The following SLC16A5 variants were observed in gnomAD, a reference collection of about 807,000 sequenced individuals.
The protein encoded by SLC16A5 is solute carrier family 16 member 5, also known as monocarboxylate transporter 6.
Under a neutral mutation model 33.2 loss-of-function variants are expected in SLC16A5, and 29 were observed. The ratio of observed to expected loss-of-function variants is 0.87; its 90% CI spans 0.65 to 1.19. The LOEUF is 1.19. Ranked by LOEUF, SLC16A5 falls within the 50% of genes most tolerant of loss-of-function variation. SLC16A5 has a pLI of 0.00. For missense variants in SLC16A5, 606 were observed against 678.2 expected (o/e 0.89, Z 1.18); for synonymous variants, 248 against 284.1 (o/e 0.87, Z 1.28).
downstream of SLC16A5, among the ~76,000 whole-genome samples, chr17:75,107,018 G>GA (rs776631773): frequency 1.7e-3 from 239 of 143,096 alleles, no homozygotes; most frequent in African/African-American, 5.0e-3. Context: ...TAAGGAAAGG[G>GA]AAAAAAAAAA....
At chr17:75,095,643 G>T (rs2073707542) in intron 3 of SLC16A5, among the ~76,000 whole-genome samples, 1 of 151,338 alleles carries the variant, frequency 6.6e-6, no homozygotes, top group Non-Finnish European at 1.5e-5. Flanking sequence ...GACCACAGGT[G>T]TGCACCACCA....
chr17:75,097,680 C>T (rs1216028284), intron 3 of SLC16A5, among the ~76,000 whole-genome samples: 6 of 152,156 alleles, frequency 3.9e-5, no homozygotes, highest in Non-Finnish European at 8.8e-5. Context: ...AACAGACCCC[C>T]AGCGAAGTGG....
chr17:75,093,834 A>C lies in SLC16A5; in HGVS notation c.198A>C (p.Ala66=). ...PSILTAVLHM[A]GPLCSILVGR... Reference sequence around the variant, plus strand: ...TCCTCACGGCTGTGCTCCACATGGCAGGTGAGCGGCCTAGGGAGGGGCCGA... The same window carrying C: ...TCCTCACGGCTGTGCTCCACATGGCCGGTGAGCGGCCTAGGGAGGGGCCGA... The change falls in exon 3 of 7, where the codon GCA becomes GCC. Residue 66 remains alanine, a splice_region_variant and synonymous_variant. Coordinates refer to ENST00000329783, the MANE Select transcript of SLC16A5 (RefSeq NM_004695.4). 6.2e-7 allele frequency: 1 copy of C among 1,613,770 alleles called. No homozygotes were observed. Among genetic ancestry groups the C allele is most frequent in the Non-Finnish European group, 8.5e-7 (1 of 1,179,740 alleles).
intron 4 of SLC16A5, among the ~76,000 whole-genome samples, chr17:75,098,775 GGA>G (rs1270892317): frequency 6.6e-6 from 1 of 152,152 alleles, no homozygotes; most frequent in Non-Finnish European, 1.5e-5. Flanking sequence ...GGATGATGCA[GGA>G]GAGAGGGGAC....
chr17:75,106,365 G>A (rs2073862871), downstream of SLC16A5, among the ~76,000 whole-genome samples: 1 of 152,078 alleles, frequency 6.6e-6, no homozygotes, highest in African/African-American at 2.4e-5. Flanking sequence ...GAAAAGGAGG[G>A]AGGTGGGGCT....
chr17:75,092,157 CTGTGTT>C (rs1568003760), intron 2 of SLC16A5, among the ~76,000 whole-genome samples: 1 of 151,754 alleles, frequency 6.6e-6, no homozygotes, highest in Non-Finnish European at 1.5e-5. Flanking sequence ...GTGTGTCTCT[CTGTGTT>C]TGTGTGTAAC....
intron 5 of SLC16A5, 51 bp downstream of exon 5, chr17:75,100,867 GT>G: frequency 6.8e-7 from 1 of 1,470,818 alleles, no homozygotes. Flanking sequence ...AAGGGGAACA[GT>G]TTAGACAGAT....
In SLC16A5 at chr17:75,088,003, C is replaced by G. The variant is rs1022351424; in HGVS notation, c.-244C>G. Reference sequence around the variant, plus strand: ...GGCCCGGGCCGCAGGACGCCGCGCTCGGGGGAGCTGAGCCACCTCTCCGCC... The same window carrying G: ...GGCCCGGGCCGCAGGACGCCGCGCTGGGGGGAGCTGAGCCACCTCTCCGCC... On this transcript the variant is annotated 5_prime_UTR_variant, in exon 1 of 7. Coordinates refer to ENST00000329783, the MANE Select transcript of SLC16A5 (RefSeq NM_004695.4). The G allele has an allele frequency of 6.6e-6, 1 of 152,270 alleles. No individual in the cohort carries two copies. The highest frequency in any genetic ancestry group is 1.5e-5 in the Non-Finnish European group (1 of 68,104). The allele number at this position is 152,270 out of a possible 1,614,324, so 9.4% of individuals were successfully genotyped here. A position where few individuals can be genotyped will look rare whatever the true frequency, so the allele number is the denominator to read the frequency against.
At chr17:75,090,811 T>C (rs1199793222) in intron 2 of SLC16A5, among the ~76,000 whole-genome samples, 3 of 152,076 alleles carry the variant, frequency 2.0e-5, no homozygotes, top group Non-Finnish European at 1.5e-5. Context: ...TGGGCTCGGA[T>C]TGGCCTGGGG....
chr17:75,092,657 G>T (rs2073655503), intron 2 of SLC16A5, among the ~76,000 whole-genome samples: 2 of 151,930 alleles, frequency 1.3e-5, no homozygotes, highest in South Asian at 4.2e-4. Context: ...TTGTGTGCCC[G>T]TGTGGTCTTT....
chr17:75,095,614 C>T (rs1027479254), intron 3 of SLC16A5, among the ~76,000 whole-genome samples: 1 of 152,122 alleles, frequency 6.6e-6, no homozygotes, highest in Non-Finnish European at 1.5e-5. Context: ...CCTGCCACCT[C>T]AGCCTCCCGA....
intron 6 of SLC16A5, chr17:75,105,205 A>T (rs903244561): frequency 1.0e-6 from 1 of 985,272 alleles, no homozygotes; most frequent in South Asian, 4.7e-5. Flanking sequence ...CCTGGCTTGG[A>T]TCCTAGAATC....
intron 5 of SLC16A5, among the ~76,000 whole-genome samples, chr17:75,101,064 T>C (rs982612141): frequency 2.0e-5 from 3 of 150,730 alleles, no homozygotes; most frequent in Admixed American, 1.3e-4. Flanking sequence ...CTGGCCAACA[T>C]GGTGAAACCC....
intron 2 of SLC16A5, among the ~76,000 whole-genome samples, chr17:75,092,985 A>G (rs989140995): frequency 3.3e-5 from 5 of 151,968 alleles, no homozygotes; most frequent in African/African-American, 1.2e-4. Flanking sequence ...GATGAGGCCC[A>G]TGCTTTCTCC....
At chr17:75,092,588 G>A (rs1448778990) in intron 2 of SLC16A5, among the ~76,000 whole-genome samples, 2 of 152,076 alleles carry the variant, frequency 1.3e-5, no homozygotes, top group African/African-American at 4.8e-5. Context: ...GCCTCCCAAA[G>A]TGCTGGGATT....
chr17:75,096,535 T>C (rs2073720614), intron 3 of SLC16A5, among the ~76,000 whole-genome samples: 1 of 149,910 alleles, frequency 6.7e-6, no homozygotes. Context: ...CTTTTTTCTT[T>C]TTTTTTTTTT....
intron 5 of SLC16A5, among the ~76,000 whole-genome samples, chr17:75,102,886 C>G (rs538558568): frequency 1.4e-3 from 194 of 139,742 alleles, no homozygotes; most frequent in Middle Eastern, 0.011. Flanking sequence ...GCACGCGCCA[C>G]ACGCCCGGCT....
chr17:75,098,544 C>T (rs1240574700), intron 4 of SLC16A5, among the ~76,000 whole-genome samples: 2 of 152,064 alleles, frequency 1.3e-5, no homozygotes, highest in African/African-American at 4.8e-5. Flanking sequence ...GGCAACAGAG[C>T]AAGACCCCAT....
At position 75,100,078 on chromosome 17, in the gene SLC16A5, C is replaced by G. The variant is rs1039421636; in HGVS notation, c.415C>G (p.Leu139Val). ...CTTCTACTTTGTCCGCCGGCGGGTGCTGGCCAACGCGCTGGCCTCGATGGG... is the reference window on the plus strand; with the variant it reads ...CTTCTACTTTGTCCGCCGGCGGGTGGTGGCCAACGCGCTGGCCTCGATGGG... ...LGFYFVRRRVLANALASMGVS... is the reference protein window; with the variant it reads ...LGFYFVRRRVVANALASMGVS... The change falls in exon 5 of 7, where the codon CTG becomes GTG. Residue 139 changes from leucine to valine, a missense_variant. Leu to Val is a conservative substitution (Grantham distance 32, BLOSUM62 1). Transcript: ENST00000329783. 5.6e-6 allele frequency: 9 copies of G among 1,613,806 alleles called. No individual in the cohort carries two copies. The highest frequency in any genetic ancestry group is 1.1e-5 in the South Asian group (1 of 91,068).
Sources: gnomAD v4.1 joint callset for allele counts (sites outside exome capture counted in the v4.1 genomes callset) on GRCh38, gnomAD v4.1.1 for gene constraint, MANE v1.5 for transcripts, NCBI Gene and HGNC (gene_info 2026-07-23, HGNC 2026-07-21) for gene names.